Variants in NHSL1 observed in about 807,000 individuals in gnomAD.
NHSL1 encodes NHS-like protein 1.
A neutral mutation model predicts 95.0 loss-of-function variants in NHSL1; 48 were observed. The observed-to-expected ratio is 0.51, with a 90% confidence interval of 0.40 to 0.64. The LOEUF (loss-of-function observed/expected upper bound fraction) is 0.64. Among genes scored for constraint, NHSL1 ranks in the 30% least tolerant of loss-of-function variants. NHSL1 has a pLI of 0.00. For synonymous variants in NHSL1, 783 were observed against 833.9 expected (o/e 0.94, Z 1.05); for missense variants, 1,971 against 2,077.7 (o/e 0.95, Z 1.00).
At chr6:138,533,609 A>C (rs1434864917) in intron 1 of NHSL1, among the ~76,000 whole-genome samples, 2 of 152,232 alleles carry the variant, frequency 1.3e-5, no homozygotes, top group Admixed American at 1.3e-4. Context: ...TAAGAGAAAT[A>C]ATCTCATATT....
intron 1 of NHSL1, among the ~76,000 whole-genome samples, chr6:138,535,588 C>CA (rs1039717176): frequency 6.6e-6 from 1 of 151,888 alleles, no homozygotes; most frequent in Admixed American, 6.5e-5. Flanking sequence ...ACCCCCTTAC[C>CA]AAAAAAAGAA....
chr6:138,435,738 G>GTT (rs959633580), intron 5 of NHSL1, among the ~76,000 whole-genome samples: 7 of 138,134 alleles, frequency 5.1e-5, no homozygotes, highest in African/African-American at 1.6e-4. Flanking sequence ...TTTTGTTTTT[G>GTT]TTTTTTTTTT....
chr6:138,553,415 G>A (rs900706232), intron 1 of NHSL1, among the ~76,000 whole-genome samples: 6 of 152,152 alleles, frequency 3.9e-5, no homozygotes, highest in Non-Finnish European at 7.3e-5. Flanking sequence ...CTTCATTCAC[G>A]TGGCTGGCAT....
intron 1 of NHSL1, among the ~76,000 whole-genome samples, chr6:138,508,093 G>A (rs1781049125): frequency 6.6e-6 from 1 of 152,122 alleles, no homozygotes; most frequent in Non-Finnish European, 1.5e-5. Context: ...TGCTATCACT[G>A]TGACTGGTTT....
chr6:138,444,314 G>A (rs1161539559), intron 4 of NHSL1, among the ~76,000 whole-genome samples: 1 of 151,354 alleles, frequency 6.6e-6, no homozygotes, highest in African/African-American at 2.4e-5. Flanking sequence ...TCAAACACCA[G>A]CACAAAGCCA....
intron 3 of NHSL1, among the ~76,000 whole-genome samples, chr6:138,458,133 A>T (rs1777741182): frequency 6.6e-6 from 1 of 152,078 alleles, no homozygotes; most frequent in Non-Finnish European, 1.5e-5. Flanking sequence ...CAGTTACTGG[A>T]TTCCCACTTG....
intron 1 of NHSL1, among the ~76,000 whole-genome samples, chr6:138,529,592 G>A (rs911740404): frequency 6.6e-6 from 1 of 152,140 alleles, no homozygotes; most frequent in African/African-American, 2.4e-5. Context: ...CTTAACTGTC[G>A]GCCAGCCTGG....
At chr6:138,623,020 G>A (rs977359246) in intron 1 of NHSL1, among the ~76,000 whole-genome samples, 55 of 152,122 alleles carry the variant, frequency 3.6e-4, no homozygotes, top group African/African-American at 1.2e-3. Context: ...ATAATACAGG[G>A]CCCTGCAACA....
In NHSL1 at chr6:138,528,781, G is replaced by A. The variant is rs142247881; in HGVS notation, c.16+16842C>T. Among the ~76,000 whole-genome samples, 657 of 152,204 alleles carry A rather than the reference G, an allele frequency of 4.3e-3. 6 individuals carry two copies. Among genetic ancestry groups the A allele is most frequent in the African/African-American group, 0.015 (611 of 41,510 alleles). On this transcript the variant is annotated intron_variant, in intron 1 of 4. Coordinates refer to the NHSL1 transcript ENST00000342260. ...CCTGTACATGACAACTAAAATGAAT[G>A]GTTTTTAGAATTGCAGTAAGAGAAT...
chr6:138,560,104 G>A (rs1783356499), intron 1 of NHSL1, among the ~76,000 whole-genome samples: 1 of 152,212 alleles, frequency 6.6e-6, no homozygotes, highest in Non-Finnish European at 1.5e-5. Flanking sequence ...AACTTTCTCA[G>A]AAACTAGAGA....
intron 1 of NHSL1, among the ~76,000 whole-genome samples, chr6:138,601,828 T>G (rs1405236236): frequency 6.6e-5 from 10 of 151,852 alleles, no homozygotes; most frequent in Admixed American, 2.0e-4. Context: ...AAAAAAAAAG[T>G]TTTTCTTAAA....
intron 1 of NHSL1, among the ~76,000 whole-genome samples, chr6:138,652,156 G>A (rs1229365312): frequency 1.3e-5 from 2 of 152,086 alleles, no homozygotes; most frequent in East Asian, 1.9e-4. Flanking sequence ...ATTAAGGTAT[G>A]GCTGGCCAGG....
chr6:138,645,778 T>C (rs1025872308), intron 1 of NHSL1, among the ~76,000 whole-genome samples: 2 of 152,190 alleles, frequency 1.3e-5, no homozygotes, highest in Non-Finnish European at 2.9e-5. Flanking sequence ...AGTGCTGGGA[T>C]TACAGGCGTG....
chr6:138,442,401 T>C (rs1446954339), intron 4 of NHSL1, among the ~76,000 whole-genome samples: 1 of 152,226 alleles, frequency 6.6e-6, no homozygotes, highest in Non-Finnish European at 1.5e-5. Flanking sequence ...CTCTGTGTTA[T>C]TTAACAAAAC....
chr6:138,611,507 G>A (rs1309637713), intron 1 of NHSL1, among the ~76,000 whole-genome samples: 1 of 152,178 alleles, frequency 6.6e-6, no homozygotes. Context: ...AGCACTTTGG[G>A]AGGCTGAGGA....
At chr6:138,440,322 TGAGAG>T (rs1776446937) in intron 5 of NHSL1, among the ~76,000 whole-genome samples, 1 of 152,118 alleles carries the variant, frequency 6.6e-6, no homozygotes, top group Non-Finnish European at 1.5e-5. Flanking sequence ...AGGCATAAAC[TGAGAG>T]GAGAGAGAGA....
In NHSL1 at chr6:138,423,749, T is replaced by A. The variant is rs13201213; in HGVS notation, c.*332A>T. ...CTTCTATTTCTGTACATGTTGTTTG[T>A]GTATATGTGTATTTTTTAAAAATTA... On this transcript the variant is annotated 3_prime_UTR_variant, in exon 8 of 8. Coordinates refer to ENST00000343505, the MANE Select transcript of NHSL1 (RefSeq NM_001144060.2). 2 of 216,150 alleles carry A rather than the reference T, an allele frequency of 9.3e-6. No homozygotes were observed. The highest frequency in any genetic ancestry group is 1.8e-5 in the Non-Finnish European group (2 of 111,174). The allele number at this position is 216,150 out of a possible 1,614,324, so 13.4% of individuals were successfully genotyped here. A position where few individuals can be genotyped will look rare whatever the true frequency, so the allele number is the denominator to read the frequency against.
upstream of NHSL1, among the ~76,000 whole-genome samples, chr6:138,501,300 A>G (rs1443215247): frequency 6.6e-6 from 1 of 152,234 alleles, no homozygotes; most frequent in Non-Finnish European, 1.5e-5. Flanking sequence ...ATTGGGATAC[A>G]TCATTGGACA....
chr6:138,508,649 C>T (rs75707824), intron 1 of NHSL1, among the ~76,000 whole-genome samples: 280 of 152,306 alleles, frequency 1.8e-3, no homozygotes, highest in African/African-American at 6.5e-3. Context: ...ACCTCTATGC[C>T]TTTGCACATG....
Sources: gnomAD v4.1 joint callset for allele counts (sites outside exome capture counted in the v4.1 genomes callset) on GRCh38, gnomAD v4.1.1 for gene constraint, MANE v1.5 for transcripts, NCBI Gene and HGNC (gene_info 2026-07-23, HGNC 2026-07-21) for gene names.